The following GARNL3 variants were observed in gnomAD, a reference collection of about 807,000 sequenced individuals.
The protein encoded by GARNL3 is GTPase activating Rap/RanGAP domain like 3.
Under a neutral mutation model 125.0 loss-of-function variants are expected in GARNL3, and 63 were observed. The observed-to-expected ratio is 0.50, with a 90% CI of 0.41 to 0.62. GARNL3 has a LOEUF of 0.62. Ranked by LOEUF, GARNL3 falls within the 20% of genes least tolerant of loss-of-function variation. The pLI is 0.00. For synonymous variants in GARNL3, 439 were observed against 457.5 expected, an observed-to-expected ratio of 0.96 and a Z score of 0.52; for missense variants, 994 against 1,244.0, an observed-to-expected ratio of 0.80 and a Z score of 3.02.
chr9:127,344,504 A>G (rs1385344549), intron 15 of GARNL3, 165 bp downstream of exon 15: 21 of 621,004 alleles, frequency 3.4e-5, no homozygotes, highest in Non-Finnish European at 8.8e-6. Context: ...AGAACCGAGT[A>G]GGTGCAGTTC....
At chr9:127,259,108 G>A (rs57633425), upstream of GARNL3, among the ~76,000 whole-genome samples, 17,334 of 152,178 alleles carry the variant, frequency 0.11, 3,259 homozygotes, top group African/African-American at 0.39. Context: ...GGATCTCTGC[G>A]TTTGGCTTCC....
At chr9:127,318,197 C>A in intron 5 of GARNL3, 70 bp downstream of exon 5, 1 of 916,600 alleles carries the variant, frequency 1.1e-6, no homozygotes, top group South Asian at 1.3e-5. Context: ...TGCCTGTGAT[C>A]ATTCTGATGT....
chr9:127,334,822 G>C (rs1243275244), intron 9 of GARNL3, among the ~76,000 whole-genome samples: 1 of 152,220 alleles, frequency 6.6e-6, no homozygotes, highest in Non-Finnish European at 1.5e-5. Flanking sequence ...CGGCCTCATT[G>C]TAAAGCCTTT....
intron 2 of GARNL3, among the ~76,000 whole-genome samples, chr9:127,302,125 G>A (rs1452706258): frequency 6.6e-6 from 1 of 151,370 alleles, no homozygotes; most frequent in Non-Finnish European, 1.5e-5. Flanking sequence ...TCTATTTTTA[G>A]TAGAGACAGG....
chr9:127,305,418 C>T (rs1295497436), intron 2 of GARNL3, among the ~76,000 whole-genome samples: 1 of 152,156 alleles, frequency 6.6e-6, no homozygotes, highest in Non-Finnish European at 1.5e-5. Context: ...TGTCTTTACA[C>T]CTCATCAAAT....
chr9:127,336,422 A>G (rs1361284841), intron 11 of GARNL3, among the ~76,000 whole-genome samples, 186 bp downstream of exon 11: 1 of 152,148 alleles, frequency 6.6e-6, no homozygotes, highest in African/African-American at 2.4e-5. Flanking sequence ...CCATTTCAGT[A>G]GTAGATGGAT....
chr9:127,383,176 G>T (rs570108057), intron 22 of GARNL3, among the ~76,000 whole-genome samples: 3 of 152,240 alleles, frequency 2.0e-5, no homozygotes, highest in Non-Finnish European at 4.4e-5. Flanking sequence ...AGATTAAATG[G>T]GATAATGGCT....
intron 2 of GARNL3, among the ~76,000 whole-genome samples, chr9:127,256,696 G>T (rs2063500827): frequency 6.6e-6 from 1 of 152,194 alleles, no homozygotes; most frequent in Admixed American, 6.5e-5. Context: ...GATAATTATA[G>T]ATTCATGTGC....
intron 9 of GARNL3, among the ~76,000 whole-genome samples, chr9:127,334,837 T>G (rs1829461501): frequency 6.6e-6 from 1 of 152,354 alleles, no homozygotes; most frequent in African/African-American, 2.4e-5. Context: ...GCCTTTGCTT[T>G]TAATCACAAA....
rs1380256762 is a variant in GARNL3, at chr9:127,242,117, C to A, written c.-28-962C>A. On this transcript the variant is annotated intron_variant, in intron 1 of 10. Transcript: ENST00000439286. This position sits in a 1 kb window ranked among gnomAD's most constrained non-coding sequence, Gnocchi z 4.6. ...AGCCTCACAGCACTCCCTTCTCATG[C>A]ATAAAATCTTTCTGAGCCATTAGGC... Among the ~76,000 whole-genome samples, 1 of 152,124 alleles carries A rather than the reference C, an allele frequency of 6.6e-6. No individual in the cohort carries two copies. The highest frequency in any genetic ancestry group is 1.5e-5 in the Non-Finnish European group (1 of 68,016).
intron 2 of GARNL3, among the ~76,000 whole-genome samples, chr9:127,253,830 A>G (rs560948375): frequency 8.5e-5 from 13 of 152,298 alleles, no homozygotes; most frequent in African/African-American, 2.9e-4. Context: ...AACAGGAAGA[A>G]GGGAGGACCT....
At chr9:127,245,146 A>T (rs1307059804) in intron 2 of GARNL3, among the ~76,000 whole-genome samples, 2 of 152,188 alleles carry the variant, frequency 1.3e-5, no homozygotes, top group East Asian at 3.9e-4. Flanking sequence ...TCCGAGCAGG[A>T]GTTAAAGTAC....
Position 127,357,335 on chromosome 9 carries a change from C to T in GARNL3, c.2052C>T (p.Ser684=). 3.7e-6 allele frequency: 6 copies of T among 1,614,140 alleles called. No homozygotes were observed. The highest frequency in any genetic ancestry group is 5.1e-6 in the Non-Finnish European group (6 of 1,180,034). The part of the protein sequence containing the change: ...YRHQFDVVNE[S]TGEAFRLHHV... ...ACCAATTTGATGTGGTGAATGAGAG[C>T]ACAGGAGAAGCCTTCAGGCTGCACC... The change falls in exon 21 of 28, where the codon AGC becomes AGT. Residue 684 remains serine, a synonymous_variant. Transcript: ENST00000373387.
chr9:127,355,852 G>A (rs57178369), intron 20 of GARNL3, among the ~76,000 whole-genome samples: 53 of 152,350 alleles, frequency 3.5e-4, no homozygotes, highest in African/African-American at 1.2e-3. Flanking sequence ...GGAGTTGGGA[G>A]ATTCTGTTTA....
At position 127,312,116 on chromosome 9, in the gene GARNL3, T is replaced by C. The variant is rs535827144; in HGVS notation, c.319+381T>C. ...TAGTTCAAGGCAATGAGGGAAATAATTGGTTCCCTGAGCTCCAGGGCCTGT... is the reference window on the plus strand; with the variant it reads ...TAGTTCAAGGCAATGAGGGAAATAACTGGTTCCCTGAGCTCCAGGGCCTGT... On this transcript the variant is annotated intron_variant, in intron 3 of 27. Coordinates refer to ENST00000373387, the MANE Select transcript of GARNL3 (RefSeq NM_032293.5). Among the ~76,000 whole-genome samples the C allele has an allele frequency of 2.6e-5, 4 of 152,316 alleles. No homozygotes were observed. The East Asian group carries it at 7.7e-4, about 29-fold the overall frequency.
At chr9:127,255,821 T>C (rs1337488528) in intron 2 of GARNL3, among the ~76,000 whole-genome samples, 1 of 152,164 alleles carries the variant, frequency 6.6e-6, no homozygotes, top group Non-Finnish European at 1.5e-5. Flanking sequence ...CCAGCTCATA[T>C]CAAAAGACCA....
At chr9:127,329,271 T>C (rs1468521940) in intron 7 of GARNL3, among the ~76,000 whole-genome samples, 2 of 152,160 alleles carry the variant, frequency 1.3e-5, no homozygotes, top group Non-Finnish European at 2.9e-5. Flanking sequence ...GAGGATTTCA[T>C]ATAATTTATC....
intron 4 of GARNL3, among the ~76,000 whole-genome samples, chr9:127,314,532 C>T (rs967854238): frequency 2.0e-5 from 3 of 151,822 alleles, no homozygotes; most frequent in African/African-American, 7.3e-5. Flanking sequence ...CCCTTCCTTC[C>T]TCCCTCCCTC....
chr9:127,249,070 T>G (rs998246759), intron 2 of GARNL3, among the ~76,000 whole-genome samples: 1 of 151,684 alleles, frequency 6.6e-6, no homozygotes, highest in Non-Finnish European at 1.5e-5. Context: ...TTTATTTCCT[T>G]TTTCTTCCCT....
Sources: allele counts gnomAD v4.1 joint callset (sites outside exome capture counted in the v4.1 genomes callset), GRCh38; gene constraint gnomAD v4.1.1; non-coding constraint Gnocchi (gnomAD v3.1); transcripts MANE v1.5; gene names NCBI Gene and HGNC (gene_info 2026-07-23, HGNC 2026-07-21).